FAF1: variants seen among roughly 807,000 people sequenced by gnomAD.
FAF1 encodes Fas associated factor 1, also known as FAS-associated factor 1.
In FAF1, 25 loss-of-function variants were observed where a neutral mutation model predicts 92.5. The ratio of observed to expected loss-of-function variants is 0.27; its 90% CI spans 0.20 to 0.38. The LOEUF is 0.38. FAF1 is among the 10% of genes least tolerant of loss of function. FAF1 has a pLI of 1.00. For synonymous variants in FAF1, 234 were observed against 273.2 expected, an observed-to-expected ratio of 0.86 and a Z score of 1.42; for missense variants, 636 against 793.3, an observed-to-expected ratio of 0.80 and a Z score of 2.38.
At chr1:50,944,843 A>T (rs892630294) in intron 1 of FAF1, among the ~76,000 whole-genome samples, 2 of 152,168 alleles carry the variant, frequency 1.3e-5, no homozygotes, top group African/African-American at 2.4e-5. Flanking sequence ...TCATGCCTAA[A>T]ATTGGTCAGG....
chr1:50,803,720 T>C (rs926625036), intron 2 of FAF1, among the ~76,000 whole-genome samples: 12 of 152,238 alleles, frequency 7.9e-5, no homozygotes, highest in African/African-American at 2.4e-4. Flanking sequence ...GGGGATTCTA[T>C]ACAGAAGGAA....
intron 15 of FAF1, among the ~76,000 whole-genome samples, chr1:50,493,462 G>A (rs1490622863): frequency 6.6e-6 from 1 of 152,160 alleles, no homozygotes; most frequent in African/African-American, 2.4e-5. Flanking sequence ...TGGGGGAAAT[G>A]CACAAGATGT....
At chr1:50,888,655 C>T (rs1182652115) in intron 1 of FAF1, among the ~76,000 whole-genome samples, 1 of 152,092 alleles carries the variant, frequency 6.6e-6, no homozygotes, top group Non-Finnish European at 1.5e-5. Context: ...TGTTTATATG[C>T]TGGATTACGT....
At chr1:50,733,506 A>G (rs1219574262) in intron 6 of FAF1, among the ~76,000 whole-genome samples, 1 of 152,220 alleles carries the variant, frequency 6.6e-6, no homozygotes, top group Non-Finnish European at 1.5e-5. Flanking sequence ...ACTTGGAGAC[A>G]GCATCTTCAG....
At chr1:50,744,979 C>T (rs1275684957) in intron 4 of FAF1, among the ~76,000 whole-genome samples, 1 of 152,060 alleles carries the variant, frequency 6.6e-6, no homozygotes, top group Non-Finnish European at 1.5e-5. Flanking sequence ...AGATAGCATA[C>T]ATTAATGAAA....
chr1:50,778,701 C>T (rs1478309475), intron 4 of FAF1, among the ~76,000 whole-genome samples: 1 of 152,136 alleles, frequency 6.6e-6, no homozygotes, highest in Non-Finnish European at 1.5e-5. Flanking sequence ...GTTGGTCTTG[C>T]TATCTCAGGG....
At chr1:50,496,655 G>A (rs6678263) in intron 15 of FAF1, among the ~76,000 whole-genome samples, 2,144 of 152,252 alleles carry the variant, frequency 0.014, 46 homozygotes, top group African/African-American at 0.048. Flanking sequence ...CACCTGGGAG[G>A]CCAAGGCAGG....
intron 9 of FAF1, among the ~76,000 whole-genome samples, chr1:50,591,957 T>A (rs1651536544): frequency 6.6e-6 from 1 of 152,198 alleles, no homozygotes; most frequent in Non-Finnish European, 1.5e-5. Flanking sequence ...AGTCTTTTTT[T>A]ATTTCCTTTA....
intron 12 of FAF1, among the ~76,000 whole-genome samples, chr1:50,574,908 T>C (rs991706839): frequency 8.5e-5 from 11 of 129,958 alleles, no homozygotes; most frequent in Non-Finnish European, 1.6e-4. Context: ...CTTTTTTTTT[T>C]TTTTTTTTTT....
intron 1 of FAF1, among the ~76,000 whole-genome samples, chr1:50,923,279 C>T (rs1418533205): frequency 6.6e-6 from 1 of 151,948 alleles, no homozygotes; most frequent in Non-Finnish European, 1.5e-5. Context: ...AAAAATTTAG[C>T]CAGGCAAAGG....
At chr1:50,531,184 T>C (rs1486203672) in intron 15 of FAF1, among the ~76,000 whole-genome samples, 6 of 152,210 alleles carry the variant, frequency 3.9e-5, no homozygotes, top group Non-Finnish European at 8.8e-5. Flanking sequence ...GAGAATGATG[T>C]AACTGCCCTT....
At chr1:50,839,173 T>G (rs1405375959) in intron 2 of FAF1, among the ~76,000 whole-genome samples, 1 of 151,938 alleles carries the variant, frequency 6.6e-6, no homozygotes, top group Non-Finnish European at 1.5e-5. Flanking sequence ...TTGGCAACTG[T>G]GCAAGAAAAG....
chr1:50,778,838 G>GACACAC (rs139878228), intron 4 of FAF1, among the ~76,000 whole-genome samples: 21 of 147,580 alleles, frequency 1.4e-4, no homozygotes, highest in African/African-American at 4.0e-4. Flanking sequence ...AAAACACACA[G>GACACAC]ACACACACAC....
chr1:50,616,853 G>T (rs1426117283), intron 8 of FAF1, among the ~76,000 whole-genome samples: 1 of 152,024 alleles, frequency 6.6e-6, no homozygotes, highest in Non-Finnish European at 1.5e-5. Context: ...GCTAATTTTT[G>T]TATTTTTAGT....
chr1:50,704,325 C>G (rs1657589526), intron 7 of FAF1, among the ~76,000 whole-genome samples: 2 of 151,932 alleles, frequency 1.3e-5, no homozygotes, highest in South Asian at 4.2e-4. Context: ...AAAATTCAAC[C>G]CCGAAGGAAA....
intron 15 of FAF1, among the ~76,000 whole-genome samples, chr1:50,521,839 G>A (rs766939445): frequency 9.2e-5 from 14 of 152,200 alleles, no homozygotes; most frequent in South Asian, 4.1e-4. Context: ...TGTAATCCAC[G>A]AAGAAGTCTT....
intron 15 of FAF1, among the ~76,000 whole-genome samples, chr1:50,507,773 A>G (rs1037259987): frequency 2.0e-5 from 3 of 152,194 alleles, no homozygotes; most frequent in Non-Finnish European, 2.9e-5. Flanking sequence ...TTGAGCAGTG[A>G]AAGGTTTTTA....
At chr1:50,915,040 T>C (rs1644909946) in intron 1 of FAF1, among the ~76,000 whole-genome samples, 1 of 152,244 alleles carries the variant, frequency 6.6e-6, no homozygotes, top group South Asian at 2.1e-4. Flanking sequence ...CAGAGGAAGA[T>C]GCTTCTGTCC....
chr1:50,480,144 G>T (rs1459376621), intron 17 of FAF1, among the ~76,000 whole-genome samples: 2 of 152,020 alleles, frequency 1.3e-5, no homozygotes, highest in African/African-American at 4.8e-5. Context: ...GAACTGATCT[G>T]GTACTTTTTT....
Sources: gnomAD v4.1 joint callset for allele counts (sites outside exome capture counted in the v4.1 genomes callset) on GRCh38, gnomAD v4.1.1 for gene constraint, MANE v1.5 for transcripts, NCBI Gene and HGNC (gene_info 2026-07-23, HGNC 2026-07-21) for gene names.